MAPKAP1: variants seen among roughly 807,000 people sequenced by gnomAD.
MAPKAP1 encodes target of rapamycin complex 2 subunit MAPKAP1.
Under a neutral mutation model 65.7 loss-of-function variants are expected in MAPKAP1, and 20 were observed. The observed-to-expected ratio is 0.30, with a 90% confidence interval of 0.21 to 0.44. The LOEUF (loss-of-function observed/expected upper bound fraction) is 0.44, where lower values mean the gene tolerates loss of function less well. Among genes scored for constraint, MAPKAP1 ranks in the 20% least tolerant of loss-of-function variants. The pLI is 1.00. For synonymous variants in MAPKAP1, 222 were observed against 244.3 expected (o/e 0.91, Z 0.85); for missense variants, 423 against 648.0 (o/e 0.65, Z 3.77).
chr9:125,511,891 A>C (rs1829312422), intron 7 of MAPKAP1, among the ~76,000 whole-genome samples: 1 of 152,202 alleles, frequency 6.6e-6, no homozygotes, highest in African/African-American at 2.4e-5. Context: ...AGCGACGGGA[A>C]AACCTGCTTG....
intron 6 of MAPKAP1, among the ~76,000 whole-genome samples, chr9:125,552,009 G>A (rs1454987611): frequency 1.3e-5 from 2 of 152,040 alleles, no homozygotes; most frequent in African/African-American, 4.8e-5. Context: ...TCTGGTTTTG[G>A]GGGTCAGCCA....
At chr9:125,605,696 G>A (rs1434321341) in intron 4 of MAPKAP1, among the ~76,000 whole-genome samples, 1 of 152,152 alleles carries the variant, frequency 6.6e-6, no homozygotes. Context: ...GCTGCAGTCA[G>A]CTGGAATTTG....
At chr9:125,682,408 A>C (rs1834850969) in intron 1 of MAPKAP1, among the ~76,000 whole-genome samples, 1 of 152,260 alleles carries the variant, frequency 6.6e-6, no homozygotes, top group Non-Finnish European at 1.5e-5. Context: ...ACTGTTATTC[A>C]GCTATTATAA....
At chr9:125,517,645 G>A (rs1829501538) in intron 7 of MAPKAP1, among the ~76,000 whole-genome samples, 1 of 152,168 alleles carries the variant, frequency 6.6e-6, no homozygotes, top group African/African-American at 2.4e-5. Flanking sequence ...AAAGGAAAGG[G>A]CGTACCGCTG....
At chr9:125,576,860 G>C (rs566860962) in intron 5 of MAPKAP1, among the ~76,000 whole-genome samples, 1 of 151,792 alleles carries the variant, frequency 6.6e-6, no homozygotes, top group African/African-American at 2.4e-5. Context: ...GCGTGATCTC[G>C]GCTCGTTACA....
chr9:125,667,383 G>A (rs948550856), intron 3 of MAPKAP1, among the ~76,000 whole-genome samples: 6 of 152,286 alleles, frequency 3.9e-5, no homozygotes, highest in Admixed American at 3.9e-4. Flanking sequence ...GCACTGGCGC[G>A]ATTTTAGCTC....
chr9:125,519,703 C>A lies in MAPKAP1; in HGVS notation c.959-13286G>T, dbSNP rs143658567. Among the ~76,000 whole-genome samples the A allele has an allele frequency of 4.5e-3, 669 of 148,724 alleles. 6 individuals carry two copies. The highest frequency in any genetic ancestry group is 0.015 in the African/African-American group (628 of 40,798). Reference sequence around the variant, plus strand: ...AAAAATTAATAACAAAAACTGTTTACAAAGGCAGGCCACAACTGCAGACCA... The same window carrying A: ...AAAAATTAATAACAAAAACTGTTTAAAAAGGCAGGCCACAACTGCAGACCA... On this transcript the variant is annotated intron_variant, in intron 7 of 11. Coordinates refer to ENST00000265960, the MANE Select transcript of MAPKAP1 (RefSeq NM_001006617.3).
At chr9:125,451,862 C>T (rs1047511042) in intron 10 of MAPKAP1, among the ~76,000 whole-genome samples, 21 of 141,460 alleles carry the variant, frequency 1.5e-4, no homozygotes, top group African/African-American at 3.4e-4. Context: ...CAGGGTGGAG[C>T]GCAGTGGCGC....
At chr9:125,454,391 C>T (rs889268759) in intron 10 of MAPKAP1, among the ~76,000 whole-genome samples, 2 of 152,154 alleles carry the variant, frequency 1.3e-5, no homozygotes, top group African/African-American at 4.8e-5. Flanking sequence ...CTATGGGAGG[C>T]TAAATTACTA....
chr9:125,616,087 GA>G (rs1804078127), intron 4 of MAPKAP1, among the ~76,000 whole-genome samples: 1 of 152,022 alleles, frequency 6.6e-6, no homozygotes, highest in South Asian at 2.1e-4. Flanking sequence ...CAAACATAGG[GA>G]AATTTGATAT....
intron 11 of MAPKAP1, among the ~76,000 whole-genome samples, chr9:125,440,583 G>A (rs1461250063): frequency 6.6e-6 from 1 of 152,204 alleles, no homozygotes; most frequent in East Asian, 1.9e-4. Context: ...GAACCAGAGG[G>A]CTCCCGGGGG....
chr9:125,542,416 A>C (rs1213100327), intron 7 of MAPKAP1, among the ~76,000 whole-genome samples: 1 of 152,222 alleles, frequency 6.6e-6, no homozygotes, highest in African/African-American at 2.4e-5. Flanking sequence ...GATTTATATT[A>C]AAGTTGTCTG....
At chr9:125,515,398 T>C (rs1175224437) in intron 7 of MAPKAP1, among the ~76,000 whole-genome samples, 1 of 152,242 alleles carries the variant, frequency 6.6e-6, no homozygotes, top group Non-Finnish European at 1.5e-5. Context: ...AGTGCTGTTA[T>C]CTTGGCTTGA....
At chr9:125,488,534 TGGG>T in intron 8 of MAPKAP1, among the ~76,000 whole-genome samples, 1 of 152,150 alleles carries the variant, frequency 6.6e-6, no homozygotes, top group South Asian at 2.1e-4. Context: ...TTAGGAGAGA[TGGG>T]ATTTCGCCTT....
At chr9:125,704,593 A>C (rs1835702958) in intron 1 of MAPKAP1, among the ~76,000 whole-genome samples, 1 of 152,164 alleles carries the variant, frequency 6.6e-6, no homozygotes, top group Admixed American at 6.5e-5. Context: ...TGAATCGTAG[A>C]TCCTCGAAGT....
In MAPKAP1 at chr9:125,506,372, A is replaced by ACGG. The variant is rs1809021806; in HGVS notation, c.1001_1003dup (p.Ala334dup). 6.2e-7 allele frequency: 1 copy of ACGG among 1,614,046 alleles called. No individual in the cohort carries two copies. Among genetic ancestry groups the ACGG allele is most frequent in the African/African-American group, 1.3e-5 (1 of 74,934 alleles). The stretch of plus-strand genomic sequence containing the variant: ...GCTCTCCAAAGTGCTGTCCAGGTCA[A>ACGG]CGGCGACATTGGGCTCGCTCTGCTT... On this transcript the variant is annotated inframe_insertion, in exon 8 of 12. Coordinates refer to ENST00000265960, the MANE Select transcript of MAPKAP1 (RefSeq NM_001006617.3).
intron 1 of MAPKAP1, among the ~76,000 whole-genome samples, chr9:125,679,355 A>G (rs987311772): frequency 1.3e-5 from 2 of 152,152 alleles, no homozygotes; most frequent in African/African-American, 4.8e-5. Context: ...GGCCTGAGAG[A>G]AATTTCCCCC....
chr9:125,503,878 GGCTTTTTTTTT>G, intron 8 of MAPKAP1, among the ~76,000 whole-genome samples: 1 of 87,584 alleles, frequency 1.1e-5, no homozygotes, highest in East Asian at 4.0e-4. Context: ...CACCACGCTT[GGCTTTTTTTTT>G]TTTTTTTTTT....
At chr9:125,657,053 G>A (rs968396635) in intron 4 of MAPKAP1, among the ~76,000 whole-genome samples, 2 of 152,110 alleles carry the variant, frequency 1.3e-5, no homozygotes, top group African/African-American at 4.8e-5. Flanking sequence ...CTAGAATTCT[G>A]AAATAAAGCT....
Sources: allele counts gnomAD v4.1 joint callset (sites outside exome capture counted in the v4.1 genomes callset), GRCh38; gene constraint gnomAD v4.1.1; transcripts MANE v1.5; gene names NCBI Gene and HGNC (gene_info 2026-07-23, HGNC 2026-07-21).